Variants in CTIF observed in about 807,000 individuals in gnomAD.
CTIF encodes the protein cap binding complex dependent translation initiation factor, also known as CBP80/20-dependent translation initiation factor.
Under a neutral mutation model 66.0 loss-of-function variants are expected in CTIF, and 21 were observed. The observed-to-expected ratio is 0.32, with a 90% CI of 0.23 to 0.46. The LOEUF is 0.46. Among genes scored for constraint, CTIF ranks in the 20% least tolerant of loss-of-function variants. The probability of loss-of-function intolerance (pLI) is 1.00; values close to 1 mark genes in which losing one functional copy is unlikely to be tolerated. For missense variants in CTIF, 739 were observed against 812.7 expected (o/e 0.91, Z 1.10); for synonymous variants, 345 against 326.4 (o/e 1.06, Z -0.62).
intron 10 of CTIF, among the ~76,000 whole-genome samples, chr18:48,854,929 A>C (rs1337196882): frequency 6.6e-6 from 1 of 152,190 alleles, no homozygotes; most frequent in Non-Finnish European, 1.5e-5. Context: ...CATATTCATC[A>C]CCTCACAAGT....
chr18:48,755,401 G>A (rs1053952015), intron 7 of CTIF, among the ~76,000 whole-genome samples: 2 of 152,182 alleles, frequency 1.3e-5, no homozygotes, highest in Non-Finnish European at 2.9e-5. Flanking sequence ...GAGGGCTGCA[G>A]CCCTCCCCGC....
At chr18:48,669,698 G>A (rs2091490625) in intron 5 of CTIF, among the ~76,000 whole-genome samples, 1 of 148,508 alleles carries the variant, frequency 6.7e-6, no homozygotes, top group Non-Finnish European at 1.5e-5. Context: ...AAACATATGT[G>A]TGTATGTTTA....
chr18:48,615,505 G>A (rs956865874), intron 1 of CTIF, among the ~76,000 whole-genome samples: 1 of 152,216 alleles, frequency 6.6e-6, no homozygotes. Flanking sequence ...GAAATCCCTG[G>A]GAGAGAGTGA....
intron 10 of CTIF, among the ~76,000 whole-genome samples, chr18:48,839,732 A>G (rs1390097246): frequency 6.6e-6 from 1 of 152,222 alleles, no homozygotes; most frequent in Non-Finnish European, 1.5e-5. Context: ...CTATAAGGCC[A>G]GGATCTGTGC....
chr18:48,605,241 C>G (rs2090181282), intron 1 of CTIF, among the ~76,000 whole-genome samples: 2 of 152,210 alleles, frequency 1.3e-5, no homozygotes, highest in African/African-American at 2.4e-5. Context: ...TCTGACATTC[C>G]CATGAGCAGT....
chr18:48,704,111 G>C (rs889273978), intron 6 of CTIF, among the ~76,000 whole-genome samples: 1 of 152,160 alleles, frequency 6.6e-6, no homozygotes, highest in African/African-American at 2.4e-5. Flanking sequence ...GGAGCACCAC[G>C]GGGTCTATGG....
intron 1 of CTIF, among the ~76,000 whole-genome samples, chr18:48,573,625 A>G (rs915910655): frequency 2.0e-5 from 3 of 152,186 alleles, no homozygotes; most frequent in African/African-American, 7.2e-5. Context: ...TAATTAGATG[A>G]TGGGGAGTTA....
chr18:48,694,943 T>G (rs2091984104), intron 6 of CTIF, among the ~76,000 whole-genome samples: 1 of 152,256 alleles, frequency 6.6e-6, no homozygotes, highest in Non-Finnish European at 1.5e-5. Context: ...TTTGTCCATC[T>G]AATCTTTCTT....
chr18:48,610,708 T>C (rs2090292876), intron 1 of CTIF, among the ~76,000 whole-genome samples: 1 of 152,230 alleles, frequency 6.6e-6, no homozygotes, highest in African/African-American at 2.4e-5. Context: ...AGCCATGCCC[T>C]GCCCACCTCA....
chr18:48,748,442 G>A (rs1437349122), intron 7 of CTIF, among the ~76,000 whole-genome samples: 1 of 152,150 alleles, frequency 6.6e-6, no homozygotes, highest in Non-Finnish European at 1.5e-5. Context: ...CTCCAGCCCT[G>A]AGAGTGGAAG....
chr18:48,561,235 CAAAAAAAAAA>C (rs36056519), intron 1 of CTIF, among the ~76,000 whole-genome samples: 1 of 92,338 alleles, frequency 1.1e-5, no homozygotes, highest in South Asian at 4.3e-4. Flanking sequence ...GACTCTGTCT[CAAAAAAAAAA>C]AAAAAAAAAA....
intron 10 of CTIF, among the ~76,000 whole-genome samples, 197 bp downstream of exon 10, chr18:48,817,573 C>T (rs539907231): frequency 3.3e-5 from 5 of 152,158 alleles, no homozygotes; most frequent in Non-Finnish European, 4.4e-5. Flanking sequence ...GTAAGGAGAT[C>T]GAGACCATCC....
intron 10 of CTIF, among the ~76,000 whole-genome samples, chr18:48,832,555 G>C (rs2068716291): frequency 6.6e-6 from 1 of 152,160 alleles, no homozygotes; most frequent in Non-Finnish European, 1.5e-5. Flanking sequence ...CACAGTGCTG[G>C]GCAGGGCTGG....
intron 3 of CTIF, among the ~76,000 whole-genome samples, chr18:48,655,510 T>C (rs1363963788): frequency 6.6e-6 from 1 of 152,082 alleles, no homozygotes; most frequent in Non-Finnish European, 1.5e-5. Flanking sequence ...CTTGCCCTCA[T>C]GGAATCTGGA....
chr18:48,747,465 T>C (rs1013133251), intron 7 of CTIF, among the ~76,000 whole-genome samples: 1 of 152,174 alleles, frequency 6.6e-6, no homozygotes, highest in Non-Finnish European at 1.5e-5. Flanking sequence ...GCGGCCCACA[T>C]GCAGCTCAGG....
At chr18:48,718,779 T>C (rs185430892) in intron 7 of CTIF, among the ~76,000 whole-genome samples, 3 of 152,276 alleles carry the variant, frequency 2.0e-5, no homozygotes, top group Admixed American at 2.0e-4. Flanking sequence ...AACCCTTATA[T>C]CTGTTCTCCA....
chr18:48,725,387 A>ACCAT lies in CTIF; in HGVS notation c.584+13695_584+13698dup, dbSNP rs1202684241. Among the ~76,000 whole-genome samples, 5 of 152,224 alleles carry ACCAT rather than the reference A, an allele frequency of 3.3e-5. No homozygotes were observed. The East Asian group carries it at 9.7e-4, about 29-fold the overall frequency. ...AAGGCCAATTCCCTCCCAAGGCTCCACCATCCCAATTCCTGTCCCAACGCC... is the reference window on the plus strand; with the variant it reads ...AAGGCCAATTCCCTCCCAAGGCTCCACCATCCATCCCAATTCCTGTCCCAACGCC... On this transcript the variant is annotated intron_variant, in intron 7 of 11. Coordinates refer to ENST00000256413, the MANE Select transcript of CTIF (RefSeq NM_014772.3).
intron 1 of CTIF, among the ~76,000 whole-genome samples, chr18:48,549,543 A>C (rs972229959): frequency 6.6e-6 from 1 of 152,196 alleles, no homozygotes; most frequent in Non-Finnish European, 1.5e-5. Context: ...TCTTCAGCAC[A>C]TTGGCCTTTG....
intron 1 of CTIF, among the ~76,000 whole-genome samples, chr18:48,591,217 C>T (rs979180875): frequency 6.6e-5 from 10 of 152,338 alleles, no homozygotes; most frequent in Middle Eastern, 3.4e-3. Flanking sequence ...TGGCCTCACT[C>T]ATTATAATTA....
Sources: gnomAD v4.1 joint callset for allele counts (sites outside exome capture counted in the v4.1 genomes callset) on GRCh38, gnomAD v4.1.1 for gene constraint, MANE v1.5 for transcripts, NCBI Gene and HGNC (gene_info 2026-07-23, HGNC 2026-07-21) for gene names.